PRKDC: variants seen among roughly 807,000 people sequenced by gnomAD.
PRKDC encodes DNA-dependent protein kinase catalytic subunit.
In PRKDC, 82 loss-of-function variants were observed where a neutral mutation model predicts 486.9. That is an observed-to-expected ratio of 0.17 (90% CI 0.14 to 0.20). The LOEUF (loss-of-function observed/expected upper bound fraction) is 0.20, where lower values mean the gene tolerates loss of function less well. Ranked by LOEUF, PRKDC falls within the 10% of genes least tolerant of loss-of-function variation. The pLI is 1.00. For synonymous variants in PRKDC, 1,895 were observed against 1,837.0 expected (o/e 1.03, Z -0.81); for missense variants, 4,504 against 5,038.2 (o/e 0.89, Z 3.21).
chr8:47,920,769 C>T (rs550401730), intron 21 of PRKDC, among the ~76,000 whole-genome samples: 1 of 152,300 alleles, frequency 6.6e-6, no homozygotes, highest in South Asian at 2.1e-4. Context: ...GGCTAATAAG[C>T]TAACATTACT....
chr8:47,839,677 C>T (rs1334659712), intron 55 of PRKDC, among the ~76,000 whole-genome samples: 1 of 152,048 alleles, frequency 6.6e-6, no homozygotes, highest in Non-Finnish European at 1.5e-5. Context: ...TTAGATATAC[C>T]AAAATACATG....
At chr8:47,868,971 C>T (rs535764501) in intron 40 of PRKDC, among the ~76,000 whole-genome samples, 1 of 152,280 alleles carries the variant, frequency 6.6e-6, no homozygotes, top group African/African-American at 2.4e-5. Flanking sequence ...ACTGGGAGAA[C>T]ATTTAGACCA....
At chr8:47,822,526 C>T (rs941351076) in intron 64 of PRKDC, among the ~76,000 whole-genome samples, 1 of 152,150 alleles carries the variant, frequency 6.6e-6, no homozygotes, top group African/African-American at 2.4e-5. Context: ...AGCGGTGGCT[C>T]AAGCCTGTAA....
chr8:47,819,604 T>C (rs920635589), intron 66 of PRKDC, 94 bp from the exon 67 acceptor site: 2 of 547,634 alleles, frequency 3.7e-6, no homozygotes, highest in South Asian at 4.3e-5. Flanking sequence ...TACTCTAAAT[T>C]ATGAAATGTA....
At position 47,893,397 on chromosome 8, in the gene PRKDC, G is replaced by A; in HGVS notation, c.3599-10C>T. ...TTAGGGGATCTGTTGCCTTTAAAAAGAAACAAAATTAAAATGCACACATAT... is the reference window on the plus strand; with the variant it reads ...TTAGGGGATCTGTTGCCTTTAAAAAAAAACAAAATTAAAATGCACACATAT... On this transcript the variant is annotated splice_polypyrimidine_tract_variant and intron_variant, in intron 30 of 85. Coordinates refer to ENST00000314191, the MANE Select transcript of PRKDC (RefSeq NM_006904.7). 6.7e-7 allele frequency: 1 copy of A among 1,486,690 alleles called. No individual in the cohort carries two copies. Among genetic ancestry groups the A allele is most frequent in the Non-Finnish European group, 9.0e-7 (1 of 1,113,284 alleles). The allele number at this position is 1,486,690 out of a possible 1,614,324, so 92.1% of individuals were successfully genotyped here.
In PRKDC at chr8:47,904,911, T is replaced by C. The variant is rs758470097; in HGVS notation, c.3000A>G (p.Lys1000=). The C allele has an allele frequency of 8.7e-5, 141 of 1,613,632 alleles. No homozygotes were observed. Among genetic ancestry groups the C allele is most frequent in the Non-Finnish European group, 1.2e-5 (14 of 1,179,746 alleles). ...QLIHWFTNNK[K]FESQDTVALL... is the part of the protein sequence containing the mutation. The stretch of plus-strand genomic sequence containing the variant: ...AGGCAACAGTATCCTGACTTTCAAA[T>C]TTCTTGTTGTTAGTGAACCAGTGAA... Residue 1000 remains lysine, a synonymous_variant, in exon 26 of 86, where the codon AAA becomes AAG. Transcript: ENST00000314191.
intron 40 of PRKDC, among the ~76,000 whole-genome samples, chr8:47,869,073 A>T (rs572582969): frequency 6.6e-6 from 1 of 152,276 alleles, no homozygotes; most frequent in African/African-American, 2.4e-5. Flanking sequence ...TTGGGGTCCC[A>T]AACAAACTTG....
chr8:47,852,343 A>G (rs1310971936), intron 52 of PRKDC, among the ~76,000 whole-genome samples: 1 of 152,210 alleles, frequency 6.6e-6, no homozygotes, highest in African/African-American at 2.4e-5. Flanking sequence ...GCTATCTACC[A>G]GGACAATTTC....
intron 78 of PRKDC, chr8:47,783,080 C>G (rs547097063): frequency 4.1e-4 from 69 of 166,846 alleles, no homozygotes; most frequent in Admixed American, 2.7e-3. Flanking sequence ...GAGTTCGAGA[C>G]CAGTCTGGCC....
At chr8:47,865,823 G>A (rs1360185932) in intron 40 of PRKDC, among the ~76,000 whole-genome samples, 1 of 152,064 alleles carries the variant, frequency 6.6e-6, no homozygotes, top group Non-Finnish European at 1.5e-5. Context: ...ATTGTATTAG[G>A]AGGTAAGGCT....
At chr8:47,914,789 A>AG (rs1328840760) in intron 23 of PRKDC, among the ~76,000 whole-genome samples, 16 of 133,022 alleles carry the variant, frequency 1.2e-4, no homozygotes, top group East Asian at 8.3e-4. Context: ...CAACAGAGCG[A>AG]GGGGAAAAAA....
At chr8:47,900,992 T>TA (rs886780892) in intron 27 of PRKDC, among the ~76,000 whole-genome samples, 48 of 141,350 alleles carry the variant, frequency 3.4e-4, no homozygotes, top group Middle Eastern at 3.7e-3. Flanking sequence ...TACAAAAAAT[T>TA]AAAAAAAAAA....
chr8:47,890,349 C>G lies in PRKDC; in HGVS notation c.3979G>C (p.Gly1327Arg). The G allele has an allele frequency of 6.2e-7, 1 of 1,613,522 alleles. No individual in the cohort carries two copies. The highest frequency in any genetic ancestry group is 8.5e-7 in the Non-Finnish European group (1 of 1,179,780). Reference protein sequence around the residue: ...AAGNRTSPQEGERYNYSKCTV... With the variant: ...AAGNRTSPQERERYNYSKCTV... Reference sequence around the variant, plus strand: ...CATTTGCTGTAGTTGTACCTTTCTCCCTCTTGTGGGCTTGTTCTGTTACCT... The same window carrying G: ...CATTTGCTGTAGTTGTACCTTTCTCGCTCTTGTGGGCTTGTTCTGTTACCT... The change falls in exon 32 of 86, where the codon GGA (glycine) becomes CGA (arginine). Residue 1327 changes from glycine (G) to arginine (R), a missense_variant. Gly to Arg is a moderately radical substitution (Grantham distance 125). This residue lies in a region of PRKDC where 1,969 missense variants were observed against 2,068.9 expected (regional missense o/e 0.95). Coordinates refer to ENST00000314191, the MANE Select transcript of PRKDC (RefSeq NM_006904.7).
In PRKDC at chr8:47,960,091, C is replaced by G; in HGVS notation, c.36G>C (p.Leu12=). The G allele has an allele frequency of 1.3e-6, 2 of 1,529,096 alleles. No homozygotes were observed. The highest frequency in any genetic ancestry group is 1.7e-6 in the Non-Finnish European group (2 of 1,144,244). The allele number at this position is 1,529,096 out of a possible 1,614,324, so 94.7% of individuals were successfully genotyped here. A position where few individuals can be genotyped will look rare whatever the true frequency, so the allele number is the denominator to read the frequency against. ...CGGACAAGGTCTCCTGCAGCCGCAG[C>G]AGGGAGCAACGCACACCGGCTCCGG... ...AGSGAGVRCS[L]LRLQETLSAA... Residue 12 remains leucine (L), a synonymous_variant, in exon 1 of 86, where the codon CTG becomes CTC. Coordinates refer to ENST00000314191, the MANE Select transcript of PRKDC (RefSeq NM_006904.7).
chr8:47,831,954 T>A, intron 59 of PRKDC, 28 bp from the exon 60 acceptor site: 3 of 1,587,356 alleles, frequency 1.9e-6, no homozygotes, highest in Non-Finnish European at 2.6e-6. Flanking sequence ...GCCCAGTTAC[T>A]CCCCGCCGCC....
intron 7 of PRKDC, among the ~76,000 whole-genome samples, chr8:47,952,516 A>G (rs202124346): frequency 2.0e-5 from 3 of 152,304 alleles, no homozygotes; most frequent in South Asian, 2.1e-4. Flanking sequence ...TGTGCTAATC[A>G]ATCTGTTCAA....
At position 47,858,551 on chromosome 8, in the gene PRKDC, G is replaced by A. The variant is rs2088597529; in HGVS notation, c.6430C>T (p.Leu2144Phe). The A allele has an allele frequency of 6.5e-7, 1 of 1,542,592 alleles. No homozygotes were observed. The change falls in exon 48 of 86, where the codon CTC becomes TTC. Residue 2144 changes from leucine to phenylalanine, a missense_variant. Physicochemically the swap from Leu to Phe is conservative, Grantham distance 22. Around this residue, in one of 6 missense-constraint regions of PRKDC, gnomAD observed 1,592 missense variants for 1,724.6 expected, o/e 0.92. Transcript: ENST00000314191. ...GNPIVPLNIR[L>F]FLAKLVINTE... Reference sequence around the variant, plus strand: ...TTAATAACAAGCTTGGCTAAGAAGAGACGGATATTTAATGGTACTATTGGA... The same window carrying A: ...TTAATAACAAGCTTGGCTAAGAAGAAACGGATATTTAATGGTACTATTGGA...
intron 45 of PRKDC, 23 bp downstream of exon 45, chr8:47,860,876 T>C (rs1256062676): frequency 1.3e-6 from 2 of 1,570,508 alleles, no homozygotes; most frequent in South Asian, 1.2e-5. Flanking sequence ...GAATCCTTTC[T>C]CATGATTTTG....
chr8:47,942,696 C>A (rs2090465001), intron 10 of PRKDC, among the ~76,000 whole-genome samples: 1 of 152,238 alleles, frequency 6.6e-6, no homozygotes, highest in East Asian at 1.9e-4. Context: ...CCAGGACATC[C>A]TGGAGACCAG....
Sources: allele counts gnomAD v4.1 joint callset (sites outside exome capture counted in the v4.1 genomes callset), GRCh38; gene constraint gnomAD v4.1.1; regional missense constraint gnomAD v4.1.1; transcripts MANE v1.5; gene names NCBI Gene and HGNC (gene_info 2026-07-23, HGNC 2026-07-21).